Variants in MROH2B observed in about 807,000 individuals in gnomAD.
MROH2B encodes maestro heat like repeat family member 2B, also known as maestro heat-like repeat-containing protein family member 2B.
A neutral mutation model predicts 208.6 loss-of-function variants in MROH2B; 177 were observed. That is an observed-to-expected ratio of 0.85 (90% CI 0.75 to 0.96). The LOEUF (loss-of-function observed/expected upper bound fraction) is 0.96. Ranked by LOEUF, MROH2B falls within the 40% of genes least tolerant of loss-of-function variation. MROH2B has a pLI of 0.00. For synonymous variants in MROH2B, 728 were observed against 659.0 expected (o/e 1.10, Z -1.60); for missense variants, 2,002 against 1,878.7 (o/e 1.07, Z -1.21).
Position 41,057,107 on chromosome 5 carries a change from A to C in MROH2B, c.919+2T>G, listed in dbSNP as rs573473421. ...TAAAAGCCTTCTGGATGCTGGTCCT[A>C]CCTAGAATGAGAAAACAGCTTGAAG... On this transcript the variant is annotated splice_donor_variant, in intron 9 of 41. Transcript: ENST00000399564. LOFTEE classifies it high-confidence loss of function. 6.2e-7 allele frequency: 1 copy of C among 1,613,930 alleles called. No individual in the cohort carries two copies. The highest frequency in any genetic ancestry group is 2.2e-5 in the East Asian group (1 of 44,886).
At chr5:41,023,814 A>G (rs1742248098) in intron 24 of MROH2B, among the ~76,000 whole-genome samples, 1 of 152,250 alleles carries the variant, frequency 6.6e-6, no homozygotes, top group East Asian at 1.9e-4. Flanking sequence ...AGGGAAGCCC[A>G]TCAGACTAAC....
At chr5:41,007,599 C>G (rs1741637537) in intron 33 of MROH2B, 145 bp from the exon 34 acceptor site, 1 of 741,098 alleles carries the variant, frequency 1.3e-6, no homozygotes, top group African/African-American at 1.8e-5. Context: ...CAGCCCTATG[C>G]TCACATTTTA....
At chr5:40,999,355 T>G (rs938257213) in intron 40 of MROH2B, among the ~76,000 whole-genome samples, 1 of 151,840 alleles carries the variant, frequency 6.6e-6, no homozygotes, top group African/African-American at 2.4e-5. Context: ...GGTGAAGAAG[T>G]GTTTATGTAA....
chr5:41,056,141 T>C (rs1026619028), intron 9 of MROH2B, among the ~76,000 whole-genome samples: 6 of 151,950 alleles, frequency 3.9e-5, no homozygotes, highest in Non-Finnish European at 8.8e-5. Context: ...GTTATTAGAG[T>C]GGGCCTGAAT....
rs1579915346 is a variant in MROH2B at position 41,018,193 on chromosome 5, G to A, written c.2763+148C>T. 4 of 964,320 alleles carry A rather than the reference G, an allele frequency of 4.1e-6. No homozygotes were observed. In the East Asian group the frequency reaches 1.0e-4, roughly 25 times the overall value. The allele number at this position is 964,320 out of a possible 1,614,324, so 59.7% of individuals were successfully genotyped here. A position where few individuals can be genotyped will look rare whatever the true frequency, so the allele number is the denominator to read the frequency against. On this transcript the variant is annotated intron_variant, in intron 27 of 41. Coordinates refer to ENST00000399564, the MANE Select transcript of MROH2B (RefSeq NM_173489.5). ...GCTCAATTCGTGTGAGCTGCACTCTGAAGTTAGATCTCTCTCCAAAAGTGT... is the reference window on the plus strand; with the variant it reads ...GCTCAATTCGTGTGAGCTGCACTCTAAAGTTAGATCTCTCTCCAAAAGTGT...
At chr5:41,063,447 C>A (rs186082146) in intron 5 of MROH2B, among the ~76,000 whole-genome samples, 1 of 152,292 alleles carries the variant, frequency 6.6e-6, no homozygotes, top group Non-Finnish European at 1.5e-5. Context: ...TGTTACCCAT[C>A]TCATGTGGTT....
chr5:41,019,100 C>T (rs186629321), intron 24 of MROH2B, 82 bp from the exon 25 acceptor site: 1 of 1,541,258 alleles, frequency 6.5e-7, no homozygotes, highest in Admixed American at 1.8e-5. Context: ...AACTGCCAAT[C>T]ACATCTGACC....
chr5:41,040,549 T>C (rs1030954377), intron 19 of MROH2B, among the ~76,000 whole-genome samples: 1 of 152,228 alleles, frequency 6.6e-6, no homozygotes, highest in African/African-American at 2.4e-5. Flanking sequence ...AAGTCACGTG[T>C]TAACACTTTA....
intron 19 of MROH2B, among the ~76,000 whole-genome samples, chr5:41,041,700 A>G (rs1371769883): frequency 1.3e-5 from 2 of 152,152 alleles, no homozygotes; most frequent in Non-Finnish European, 2.9e-5. Flanking sequence ...GCCACAGGCT[A>G]TGGTAGGAAG....
chr5:41,033,781 T>TTATCTATCTATCTATC (rs368384200), intron 22 of MROH2B, 57 bp downstream of exon 22: 111 of 770,872 alleles, frequency 1.4e-4, no homozygotes, highest in South Asian at 1.9e-4. Context: ...CAGGGGGGCA[T>TTATCTATCTATCTATC]TATCTATCTA....
rs1389107818 is a variant in MROH2B at position 41,009,985 on chromosome 5, A to C, written c.3230T>G (p.Ile1077Arg). Residue 1077 changes from isoleucine (I) to arginine (R), a missense_variant, in exon 31 of 42, where the codon ATA becomes AGA. Transcript: ENST00000399564. ...FQFILEAISQ[I>R]ASFHMDTVVV... is the part of the protein sequence containing the mutation. ...AACTGTATCCATGTGAAAGCTGGCT[A>C]TCTGGGAGATGGCTTCTAGAATGAA... 1 of 1,613,868 alleles carries C rather than the reference A, an allele frequency of 6.2e-7. No individual in the cohort carries two copies. The highest frequency in any genetic ancestry group is 8.5e-7 in the Non-Finnish European group (1 of 1,179,802).
chr5:41,025,871 G>C (rs936165955), intron 24 of MROH2B, among the ~76,000 whole-genome samples: 1 of 152,292 alleles, frequency 6.6e-6, no homozygotes, highest in African/African-American at 2.4e-5. Flanking sequence ...GGGATGCAAG[G>C]CTGGTTCAAC....
chr5:41,048,574 A>G, intron 15 of MROH2B, 109 bp from the exon 16 acceptor site: 2 of 1,194,948 alleles, frequency 1.7e-6, no homozygotes, highest in Non-Finnish European at 1.1e-6. Flanking sequence ...GCATTGGATA[A>G]TCTTTTAACA....
At chr5:41,023,376 C>G (rs1192638558) in intron 24 of MROH2B, among the ~76,000 whole-genome samples, 1 of 152,116 alleles carries the variant, frequency 6.6e-6, no homozygotes, top group African/African-American at 2.4e-5. Flanking sequence ...AACCATGGCA[C>G]AAGAACTACA....
intron 19 of MROH2B, among the ~76,000 whole-genome samples, chr5:41,040,632 A>G (rs1391078387): frequency 6.6e-6 from 1 of 152,152 alleles, no homozygotes; most frequent in Non-Finnish European, 1.5e-5. Context: ...TAAGTAAAAA[A>G]GGTATTTGAG....
chr5:41,015,592 A>G (rs1741920529), intron 28 of MROH2B, 114 bp from the exon 29 acceptor site: 3 of 855,550 alleles, frequency 3.5e-6, no homozygotes, highest in African/African-American at 1.7e-5. Context: ...GAGATGGTGA[A>G]CATAAGCGCT....
chr5:41,069,816 G>A, intron 1 of MROH2B, 64 bp from the exon 2 acceptor site: 1 of 1,205,382 alleles, frequency 8.3e-7, no homozygotes, highest in Non-Finnish European at 1.2e-6. Context: ...TAATTATTTT[G>A]TAATCAACAC....
intron 24 of MROH2B, among the ~76,000 whole-genome samples, chr5:41,029,316 G>A (rs1159459529): frequency 6.6e-6 from 1 of 151,876 alleles, no homozygotes. Flanking sequence ...TTTAAATCAG[G>A]TTATATATTT....
rs879090264 is a variant in MROH2B at position 41,024,042 on chromosome 5, C to T, written c.2442-5024G>A. On this transcript the variant is annotated intron_variant, in intron 24 of 41. Coordinates refer to ENST00000399564, the MANE Select transcript of MROH2B (RefSeq NM_173489.5). ...AAGAGCTCCTGAAGGAAGCACTAAA[C>T]ATGGTAAAGAACAACCAGTACCAGC... is the stretch of plus-strand genomic sequence containing the variant. Among the ~76,000 whole-genome samples the T allele has an allele frequency of 3.3e-5, 5 of 152,264 alleles. 1 individual carries two copies. Among genetic ancestry groups the T allele is most frequent in the African/African-American group, 1.2e-4 (5 of 41,562 alleles).
Sources: allele counts gnomAD v4.1 joint callset (sites outside exome capture counted in the v4.1 genomes callset), GRCh38; gene constraint gnomAD v4.1.1; transcripts MANE v1.5; gene names NCBI Gene and HGNC (gene_info 2026-07-23, HGNC 2026-07-21).